ITGA8: variants seen among roughly 807,000 people sequenced by gnomAD.
ITGA8 encodes the protein integrin alpha-8.
A neutral mutation model predicts 142.3 loss-of-function variants in ITGA8; 91 were observed. That is an observed-to-expected ratio of 0.64 (90% CI 0.54 to 0.76). The LOEUF (loss-of-function observed/expected upper bound fraction) is 0.76, where lower values mean the gene tolerates loss of function less well. Among genes scored for constraint, ITGA8 ranks in the 30% least tolerant of loss-of-function variants. The pLI is 0.00. For synonymous variants in ITGA8, 505 were observed against 485.2 expected (o/e 1.04, Z -0.54); for missense variants, 1,406 against 1,327.7 (o/e 1.06, Z -0.92).
In ITGA8 at chr10:15,672,762, AAATT is replaced by A. The variant is rs1324861212; in HGVS notation, c.677-17_677-14del. ...GTGATCACTTGTCCTGTGTTTAAACAAATTAATACGTTAACTGAATGAAAGCAAG... is the reference window on the plus strand; with the variant it reads ...GTGATCACTTGTCCTGTGTTTAAACAAATACGTTAACTGAATGAAAGCAAG... On this transcript the variant is annotated splice_polypyrimidine_tract_variant and intron_variant, in intron 6 of 29. Coordinates refer to ENST00000378076, the MANE Select transcript of ITGA8 (RefSeq NM_003638.3). 1 of 1,585,598 alleles carries A rather than the reference AAATT, an allele frequency of 6.3e-7. No individual in the cohort carries two copies. Among genetic ancestry groups the A allele is most frequent in the Admixed American group, 1.8e-5 (1 of 55,592 alleles).
intron 2 of ITGA8, among the ~76,000 whole-genome samples, chr10:15,688,473 A>G (rs1834874807): frequency 6.6e-6 from 1 of 152,182 alleles, no homozygotes; most frequent in Non-Finnish European, 1.5e-5. Flanking sequence ...TCTGTCTCAA[A>G]AAAATAAAAG....
intron 2 of ITGA8, among the ~76,000 whole-genome samples, chr10:15,715,517 A>G (rs2131743104): frequency 1.3e-5 from 2 of 152,188 alleles, no homozygotes; most frequent in South Asian, 4.2e-4. Context: ...TGCCTCTACC[A>G]CCTACCACTG....
intron 2 of ITGA8, among the ~76,000 whole-genome samples, chr10:15,696,887 G>A (rs543410199): frequency 1.4e-5 from 2 of 148,014 alleles, no homozygotes; most frequent in South Asian, 2.2e-4. Context: ...AAAAAAATTA[G>A]CCAGGCATAG....
At chr10:15,560,116 C>T (rs1833948466) in intron 25 of ITGA8, among the ~76,000 whole-genome samples, 1 of 151,498 alleles carries the variant, frequency 6.6e-6, no homozygotes, top group Non-Finnish European at 1.5e-5. Flanking sequence ...TACCTCATTG[C>T]TAATTAAAAA....
chr10:15,538,768 G>A (rs965535988), intron 27 of ITGA8, among the ~76,000 whole-genome samples: 1 of 151,948 alleles, frequency 6.6e-6, no homozygotes, highest in African/African-American at 2.4e-5. Context: ...ATAAATGCAT[G>A]CCAACAAAAT....
At chr10:15,689,801 C>G (rs927600609) in intron 2 of ITGA8, among the ~76,000 whole-genome samples, 1 of 152,216 alleles carries the variant, frequency 6.6e-6, no homozygotes, top group African/African-American at 2.4e-5. Flanking sequence ...CTGCAGCTCC[C>G]TACGCTCTGG....
intron 13 of ITGA8, among the ~76,000 whole-genome samples, chr10:15,634,528 T>C (rs900067929): frequency 2.0e-5 from 3 of 152,188 alleles, no homozygotes; most frequent in Non-Finnish European, 4.4e-5. Flanking sequence ...TTTGATTTAA[T>C]TCGGGCCCGT....
In ITGA8 at chr10:15,564,990, C is replaced by T. The variant is rs536164131; in HGVS notation, c.2638-6788G>A. Among the ~76,000 whole-genome samples, 4 of 152,162 alleles carry T rather than the reference C, an allele frequency of 2.6e-5. No individual in the cohort carries two copies. The South Asian group carries it at 6.2e-4, about 24-fold the overall frequency. On this transcript the variant is annotated intron_variant, in intron 25 of 29. Transcript: ENST00000378076. Reference sequence around the variant, plus strand: ...CCTGAAAAGTTCATGCAAAGCACAACTAAAAGAATCTACTCACTCCACTGG... The same window carrying T: ...CCTGAAAAGTTCATGCAAAGCACAATTAAAAGAATCTACTCACTCCACTGG...
chr10:15,607,007 T>C (rs1833208213), intron 17 of ITGA8, among the ~76,000 whole-genome samples: 1 of 152,130 alleles, frequency 6.6e-6, no homozygotes, highest in Non-Finnish European at 1.5e-5. Flanking sequence ...CACCCTTCAA[T>C]TGTTTGCCAA....
chr10:15,651,286 A>C (rs1834080709), intron 11 of ITGA8, among the ~76,000 whole-genome samples: 1 of 152,204 alleles, frequency 6.6e-6, no homozygotes, highest in South Asian at 2.1e-4. Context: ...ATTCCTAACA[A>C]AGCTTACATT....
chr10:15,649,869 TG>T (rs1011919847), intron 11 of ITGA8, among the ~76,000 whole-genome samples: 1 of 152,214 alleles, frequency 6.6e-6, no homozygotes, highest in African/African-American at 2.4e-5. Flanking sequence ...ACAGCCATTT[TG>T]GAAGACAGTC....
chr10:15,629,405 A>G (rs887362886), intron 13 of ITGA8, among the ~76,000 whole-genome samples: 1 of 151,882 alleles, frequency 6.6e-6, no homozygotes, highest in Non-Finnish European at 1.5e-5. Context: ...CATTTCATCT[A>G]TGTCACCCCC....
In ITGA8 at chr10:15,679,075, C is replaced by G. The variant is rs967588831; in HGVS notation, c.569-292G>C. Among the ~76,000 whole-genome samples the G allele has an allele frequency of 2.0e-5, 3 of 152,154 alleles. No individual in the cohort carries two copies. The South Asian group carries it at 6.2e-4, about 32-fold the overall frequency. On this transcript the variant is annotated intron_variant, in intron 4 of 29. Transcript: ENST00000378076. Reference sequence around the variant, plus strand: ...TCACTTTCATTTGAAGAAATAAAATCTCTATCTTTGACTATATTCCAAATT... The same window carrying G: ...TCACTTTCATTTGAAGAAATAAAATGTCTATCTTTGACTATATTCCAAATT...
intron 21 of ITGA8, among the ~76,000 whole-genome samples, chr10:15,593,171 A>G (rs1370517781): frequency 6.6e-6 from 1 of 152,236 alleles, no homozygotes; most frequent in African/African-American, 2.4e-5. Flanking sequence ...TTACAGTTAC[A>G]TGGATTACTT....
At chr10:15,565,358 T>TTTTTG (rs145563072) in intron 25 of ITGA8, among the ~76,000 whole-genome samples, 6,727 of 151,884 alleles carry the variant, frequency 0.044, 208 homozygotes, top group African/African-American at 0.083. Flanking sequence ...GCTAAGTTCT[T>TTTTTG]TTTTGTTTTG....
intron 20 of ITGA8, among the ~76,000 whole-genome samples, chr10:15,598,286 C>T (rs1375480787): frequency 6.6e-6 from 1 of 152,122 alleles, no homozygotes; most frequent in East Asian, 1.9e-4. Context: ...AGAGGGTTCT[C>T]AATATAATGA....
chr10:15,635,057 A>G (rs1323462467), intron 13 of ITGA8, among the ~76,000 whole-genome samples: 1 of 125,346 alleles, frequency 8.0e-6, no homozygotes, highest in Non-Finnish European at 1.6e-5. Flanking sequence ...ACCAGGCTGG[A>G]CTGCAGTGGT....
intron 25 of ITGA8, among the ~76,000 whole-genome samples, chr10:15,568,205 C>A (rs1263077979): frequency 6.6e-6 from 1 of 152,122 alleles, no homozygotes; most frequent in South Asian, 2.1e-4. Flanking sequence ...ATCATAGGCA[C>A]GAGCCATGCT....
intron 20 of ITGA8, among the ~76,000 whole-genome samples, chr10:15,599,197 T>A (rs1445784412): frequency 6.6e-6 from 1 of 152,150 alleles, no homozygotes; most frequent in East Asian, 1.9e-4. Flanking sequence ...CCCTTTCACA[T>A]CCCCTCCACC....
Sources: allele counts gnomAD v4.1 joint callset (sites outside exome capture counted in the v4.1 genomes callset), GRCh38; gene constraint gnomAD v4.1.1; transcripts MANE v1.5; gene names NCBI Gene and HGNC (gene_info 2026-07-23, HGNC 2026-07-21).